Variants in FSD1L observed in about 807,000 individuals in gnomAD.
The protein encoded by FSD1L is fibronectin type III and SPRY domain containing 1 like.
In FSD1L, 45 loss-of-function variants were observed where a neutral mutation model predicts 71.6. The observed-to-expected ratio is 0.63, with a 90% CI of 0.49 to 0.81. The LOEUF is 0.81. Ranked by LOEUF, FSD1L falls within the 30% of genes least tolerant of loss-of-function variation. The probability of loss-of-function intolerance (pLI) is 0.00; values close to 1 mark genes in which losing one functional copy is unlikely to be tolerated. For missense variants in FSD1L, 561 were observed against 618.1 expected, an observed-to-expected ratio of 0.91 and a Z score of 0.98; for synonymous variants, 197 against 207.2, an observed-to-expected ratio of 0.95 and a Z score of 0.42.
chr9:105,524,919 A>G (rs1835414247), intron 10 of FSD1L: 15 of 1,613,510 alleles, frequency 9.3e-6, no homozygotes, highest in African/African-American at 2.7e-5. Flanking sequence ...TGAGAGTCCA[A>G]ATATCCAGTT....
chr9:105,494,222 A>C (rs1172758824), intron 7 of FSD1L, among the ~76,000 whole-genome samples: 5 of 151,590 alleles, frequency 3.3e-5, no homozygotes, highest in Admixed American at 2.0e-4. Context: ...TTTTCTCTAA[A>C]CTTCCCTTCT....
intron 13 of FSD1L, among the ~76,000 whole-genome samples, chr9:105,544,381 G>C (rs1370546375): frequency 6.6e-6 from 1 of 152,178 alleles, no homozygotes; most frequent in Non-Finnish European, 1.5e-5. Flanking sequence ...TAGGTTGCCT[G>C]TTCACTCTGA....
chr9:105,482,002 T>C (rs1490822148), intron 6 of FSD1L, among the ~76,000 whole-genome samples: 1 of 152,132 alleles, frequency 6.6e-6, no homozygotes, highest in Admixed American at 6.5e-5. Flanking sequence ...CTCAAACTCC[T>C]GGGCTCAAGC....
chr9:105,536,973 T>C (rs763111773), intron 12 of FSD1L, among the ~76,000 whole-genome samples: 1 of 152,222 alleles, frequency 6.6e-6, no homozygotes, highest in Non-Finnish European at 1.5e-5. Context: ...ATGTTATATG[T>C]AATGCAAATG....
chr9:105,508,577 T>C (rs1834206905), intron 8 of FSD1L, 40 bp from the exon 9 acceptor site: 1 of 1,184,884 alleles, frequency 8.4e-7, no homozygotes, highest in Admixed American at 2.0e-5. Flanking sequence ...ATAGAATCCT[T>C]TACTGTACAT....
At chr9:105,536,739 G>A (rs1336695636) in intron 12 of FSD1L, among the ~76,000 whole-genome samples, 1 of 151,832 alleles carries the variant, frequency 6.6e-6, no homozygotes, top group East Asian at 1.9e-4. Flanking sequence ...ATGTTCAAGC[G>A]ACTCTCCTGC....
chr9:105,504,623 T>A (rs1356977655), intron 7 of FSD1L, among the ~76,000 whole-genome samples: 1 of 152,208 alleles, frequency 6.6e-6, no homozygotes, highest in Non-Finnish European at 1.5e-5. Context: ...CTTCGTTGAA[T>A]TACCAAAATC....
At position 105,450,534 on chromosome 9, in the gene FSD1L, CT is replaced by C. The variant is rs35115121; in HGVS notation, c.15+2315del. The stretch of plus-strand genomic sequence containing the variant: ...ACAAGATTATTGTGAGGATTGTGTT[CT>C]TTTTTTTTTTTTTTTGAGACGGAGT... On this transcript the variant is annotated intron_variant, in intron 1 of 13. Transcript: ENST00000481272. Among the ~76,000 whole-genome samples the C allele has an allele frequency of 2.7e-3, 369 of 137,828 alleles. 1 individual carries two copies. The highest frequency in any genetic ancestry group is 3.8e-3 in the African/African-American group (143 of 37,382). 90.4% of individuals were successfully genotyped at this position (137,828 alleles called of 152,430 possible).
intron 10 of FSD1L, chr9:105,525,776 G>A (rs1164278744): frequency 6.2e-7 from 1 of 1,606,332 alleles, no homozygotes; most frequent in African/African-American, 1.3e-5. Context: ...GCTGGTCTTG[G>A]TTTGGAGGTA....
Position 105,523,203 on chromosome 9 carries a change from A to G in FSD1L, c.1025+10267A>G, listed in dbSNP as rs992376085. 11 of 1,613,122 alleles carry G rather than the reference A, an allele frequency of 6.8e-6. No individual in the cohort carries two copies. In the African/African-American group the frequency reaches 1.2e-4, roughly 18 times the overall value. On this transcript the variant is annotated intron_variant, in intron 10 of 13. Transcript: ENST00000481272. ...TTTCTCTGCTGAAGTTGCAACTATT[A>G]CTGGTTCAGAAAGTGCTTCCCCAGT... is the stretch of plus-strand genomic sequence containing the variant.
In FSD1L at chr9:105,525,850, A is replaced by G; in HGVS notation, c.1026-8643A>G. ...AAAAAACAAAAGCACTGGATTGACC[A>G]CTCCATATTTTGCTACCTCTACAGT... On this transcript the variant is annotated intron_variant, in intron 10 of 13. Transcript: ENST00000481272. 2.5e-6 allele frequency: 4 copies of G among 1,597,208 alleles called. No homozygotes were observed. In the South Asian group the frequency reaches 4.4e-5, roughly 18 times the overall value.
At chr9:105,480,233 T>C (rs945110632) in intron 6 of FSD1L, among the ~76,000 whole-genome samples, 5 of 152,130 alleles carry the variant, frequency 3.3e-5, no homozygotes, top group Non-Finnish European at 2.9e-5. Context: ...TCATTATAGA[T>C]TATGTGAAAA....
At chr9:105,447,691 TG>T (rs1198868011), upstream of FSD1L, 1 of 170,704 alleles carries the variant, frequency 5.9e-6, no homozygotes, top group Non-Finnish European at 1.2e-5. Flanking sequence ...TTTGGACCGC[TG>T]GGTCCGCTCA....
chr9:105,446,712 T>A (rs1164936350), upstream of FSD1L, among the ~76,000 whole-genome samples: 1 of 72,996 alleles, frequency 1.4e-5, no homozygotes, highest in African/African-American at 4.7e-5. Context: ...GCACGTTAAC[T>A]TTTTTTTTTT....
chr9:105,460,040 T>G (rs1292523609), intron 1 of FSD1L, among the ~76,000 whole-genome samples: 1 of 152,226 alleles, frequency 6.6e-6, no homozygotes, highest in Non-Finnish European at 1.5e-5. Flanking sequence ...CTTCAAAGAA[T>G]GAGACTGTGT....
At chr9:105,469,108 T>C (rs1355679282) in intron 4 of FSD1L, among the ~76,000 whole-genome samples, 1 of 152,268 alleles carries the variant, frequency 6.6e-6, no homozygotes, top group Non-Finnish European at 1.5e-5. Context: ...TCCTCCTTTT[T>C]TGTGGTTGAA....
chr9:105,528,744 C>G (rs1835688689), intron 10 of FSD1L, among the ~76,000 whole-genome samples: 1 of 152,036 alleles, frequency 6.6e-6, no homozygotes, highest in Non-Finnish European at 1.5e-5. Flanking sequence ...GTCTAAAATA[C>G]CAAAAGCAAT....
At chr9:105,531,108 C>T (rs1352276971) in intron 10 of FSD1L, 1 of 152,182 alleles carries the variant, frequency 6.6e-6, no homozygotes, top group Non-Finnish European at 1.5e-5. Context: ...TTTGTTTTAC[C>T]TCAGTGGCTC....
At chr9:105,464,365 A>G (rs1312793468) in intron 3 of FSD1L, 34 bp downstream of exon 3, 1 of 1,050,494 alleles carries the variant, frequency 9.5e-7, no homozygotes, top group South Asian at 1.6e-5. Flanking sequence ...TTGTGTAAAT[A>G]TGTCACAATG....
Sources: gnomAD v4.1 joint callset for allele counts (sites outside exome capture counted in the v4.1 genomes callset) on GRCh38, gnomAD v4.1.1 for gene constraint, MANE v1.5 for transcripts, NCBI Gene and HGNC (gene_info 2026-07-23, HGNC 2026-07-21) for gene names.